ZNF462: variants seen among roughly 807,000 people sequenced by gnomAD.
ZNF462 encodes zinc finger PBX1-interacting protein.
Under a neutral mutation model 201.9 loss-of-function variants are expected in ZNF462, and 10 were observed. That is an observed-to-expected ratio of 0.05 (90% confidence interval 0.03 to 0.08). ZNF462 has a LOEUF of 0.08. ZNF462 is among the 10% of genes least tolerant of loss of function. ZNF462 has a pLI of 1.00. For missense variants in ZNF462, 2,523 were observed against 3,168.3 expected (o/e 0.80, Z 4.89); for synonymous variants, 1,227 against 1,193.3 (o/e 1.03, Z -0.58).
chr9:106,896,165 G>A (rs776058614), intron 1 of ZNF462, among the ~76,000 whole-genome samples: 1 of 152,046 alleles, frequency 6.6e-6, no homozygotes, highest in African/African-American at 2.4e-5. Flanking sequence ...TAACTTCCAT[G>A]AGAAAGAACA....
At chr9:106,898,644 G>C (rs184285414) in intron 1 of ZNF462, among the ~76,000 whole-genome samples, 6 of 152,212 alleles carry the variant, frequency 3.9e-5, no homozygotes, top group Admixed American at 2.6e-4. Flanking sequence ...TGAGATTGAG[G>C]GATGAATACA....
intron 9 of ZNF462, among the ~76,000 whole-genome samples, chr9:106,983,138 G>A (rs965930886): frequency 7.2e-5 from 11 of 152,296 alleles, no homozygotes; most frequent in Admixed American, 2.0e-4. Context: ...GATATCTGGC[G>A]TGTGCGCTGA....
intron 7 of ZNF462, among the ~76,000 whole-genome samples, chr9:106,952,241 C>T (rs967652963): frequency 1.3e-5 from 2 of 152,082 alleles, no homozygotes; most frequent in African/African-American, 4.8e-5. Context: ...CTCTCTGAGC[C>T]TTGGAGTTTC....
Position 106,923,702 on chromosome 9 carries a change from A to G in ZNF462, c.220+99A>G. On this transcript the variant is annotated intron_variant, in intron 2 of 12. Coordinates refer to ENST00000277225, the MANE Select transcript of ZNF462 (RefSeq NM_021224.6). The surrounding 1 kb of genome is among the most constrained non-coding windows in gnomAD (Gnocchi z 5.6). ...TTCTTAATATACGTGGCTTTTGCAG[A>G]GTTTCTTGTGCTTTGCTAGCCATTT... is the stretch of plus-strand genomic sequence containing the variant. 1 of 1,249,810 alleles carries G rather than the reference A, an allele frequency of 8.0e-7. No homozygotes were observed. Among genetic ancestry groups the G allele is most frequent in the Admixed American group, 2.0e-5 (1 of 50,532 alleles). The allele number at this position is 1,249,810 out of a possible 1,614,324, so 77.4% of individuals were successfully genotyped here.
Position 106,930,680 on chromosome 9 carries a change from T to A in ZNF462, c.6003T>A (p.Ala2001=). The part of the protein sequence containing the change: ...VQYGNVPAVS[A]AVKGLRSHER... Reference sequence around the variant, plus strand: ...ATGGCAATGTCCCAGCTGTGTCAGCTGCTGTGAAGGTGAGAACTGGAAGGT... The same window carrying A: ...ATGGCAATGTCCCAGCTGTGTCAGCAGCTGTGAAGGTGAGAACTGGAAGGT... Residue 2001 remains alanine, a synonymous_variant, in exon 4 of 13, where the codon GCT becomes GCA. Coordinates refer to ENST00000277225, the MANE Select transcript of ZNF462 (RefSeq NM_021224.6). This position sits in a 1 kb window ranked among gnomAD's most constrained non-coding sequence, Gnocchi z 5.8. The A allele has an allele frequency of 1.2e-6, 2 of 1,614,120 alleles. No individual in the cohort carries two copies. The highest frequency in any genetic ancestry group is 1.7e-6 in the Non-Finnish European group (2 of 1,180,010).
chr9:106,865,664 T>C lies in ZNF462; in HGVS notation c.-31+2309T>C, dbSNP rs1471943912. 6.6e-6 allele frequency among the ~76,000 whole-genome samples: 1 copy of C among 152,202 alleles called. No individual in the cohort carries two copies. Among genetic ancestry groups the C allele is most frequent in the African/African-American group, 2.4e-5 (1 of 41,448 alleles). On this transcript the variant is annotated intron_variant, in intron 1 of 12. Transcript: ENST00000277225. This position sits in a 1 kb window ranked among gnomAD's most constrained non-coding sequence, Gnocchi z 4.1. Reference sequence around the variant, plus strand: ...CTGTGTTCTGAAGTACTCTTAAGTCTTCAGAAATATCAGTATGTCTTCTTA... The same window carrying C: ...CTGTGTTCTGAAGTACTCTTAAGTCCTCAGAAATATCAGTATGTCTTCTTA...
chr9:106,971,314 C>T (rs1001452825), intron 7 of ZNF462, among the ~76,000 whole-genome samples: 8 of 151,344 alleles, frequency 5.3e-5, no homozygotes, highest in Non-Finnish European at 7.4e-5. Flanking sequence ...TATTTTCTCA[C>T]CTACAGGGAA....
chr9:106,994,805 C>T (rs374754381), intron 10 of ZNF462, among the ~76,000 whole-genome samples: 6 of 152,088 alleles, frequency 3.9e-5, no homozygotes, highest in East Asian at 3.9e-4. Flanking sequence ...CCTGTGCCTT[C>T]GAAACCATCC....
Position 106,932,238 on chromosome 9 carries a change from A to ATGTG in ZNF462, c.6013-197_6013-194dup. The ATGTG allele has an allele frequency of 3.2e-6, 5 of 1,540,242 alleles. No individual in the cohort carries two copies. Among genetic ancestry groups the ATGTG allele is most frequent in the African/African-American group, 1.4e-5 (1 of 72,804 alleles). ...TGGATATTTATTTTGTTGGTGGGGC[A>ATGTG]TGTGTGTGTGTGTGGTTCTCTTAGC... On this transcript the variant is annotated intron_variant, in intron 4 of 12. Coordinates refer to ENST00000277225, the MANE Select transcript of ZNF462 (RefSeq NM_021224.6). The surrounding 1 kb of genome is among the most constrained non-coding windows in gnomAD (Gnocchi z 6.8).
At chr9:106,976,711 A>G (rs1827027317) in intron 9 of ZNF462, 1 of 152,242 alleles carries the variant, frequency 6.6e-6, no homozygotes, top group Non-Finnish European at 1.5e-5. Context: ...ATTAACAATA[A>G]TAACAACAAT....
intron 1 of ZNF462, among the ~76,000 whole-genome samples, chr9:106,894,016 A>T (rs1828703520): frequency 6.6e-6 from 1 of 152,248 alleles, no homozygotes; most frequent in South Asian, 2.1e-4. Context: ...ACTATGTGCA[A>T]ACTGACTTTT....
In ZNF462 at chr9:106,925,673, G is replaced by T. The variant is rs148893264; in HGVS notation, c.1761G>T (p.Gln587His). 4.6e-5 allele frequency: 74 copies of T among 1,613,936 alleles called. No homozygotes were observed. The highest frequency in any genetic ancestry group is 5.9e-5 in the Non-Finnish European group (70 of 1,180,020). Reference protein sequence around the residue: ...QPQTQPPPTQQPQPPTQAAPL... With the variant: ...QPQTQPPPTQHPQPPTQAAPL... ...AAACACAGCCACCACCAACGCAGCA[G>T]CCACAGCCACCCACACAAGCCGCAC... Residue 587 changes from glutamine (Q) to histidine (H), a missense_variant, in exon 3 of 13, where the codon CAG (glutamine) becomes CAT (histidine). Gln to His is a conservative substitution (Grantham distance 24). This residue lies in a region of ZNF462 where 383 missense variants were observed against 453.4 expected (regional missense o/e 0.84). Coordinates refer to ENST00000277225, the MANE Select transcript of ZNF462 (RefSeq NM_021224.6). This position sits in a 1 kb window ranked among gnomAD's most constrained non-coding sequence, Gnocchi z 7.9.
chr9:106,949,040 G>GAAC (rs1165813523), intron 7 of ZNF462, among the ~76,000 whole-genome samples: 1 of 152,106 alleles, frequency 6.6e-6, no homozygotes, highest in Non-Finnish European at 1.5e-5. Flanking sequence ...CAGTATTGGT[G>GAAC]AACAGTTCTT....
chr9:106,869,876 T>C (rs1827511911), intron 1 of ZNF462, among the ~76,000 whole-genome samples: 1 of 152,182 alleles, frequency 6.6e-6, no homozygotes, highest in South Asian at 2.1e-4. Flanking sequence ...TTTTATGAAT[T>C]TAGATTGTAT....
intron 10 of ZNF462, among the ~76,000 whole-genome samples, chr9:106,996,480 T>C (rs1287103654): frequency 2.0e-5 from 3 of 152,138 alleles, no homozygotes; most frequent in African/African-American, 4.8e-5. Context: ...CACCTGTTGT[T>C]TCCTGACTTT....
intron 1 of ZNF462, among the ~76,000 whole-genome samples, chr9:106,881,757 A>G (rs1828106627): frequency 6.6e-6 from 1 of 152,170 alleles, no homozygotes; most frequent in Non-Finnish European, 1.5e-5. Flanking sequence ...AATATTTTTT[A>G]TTATATGGTG....
At chr9:106,999,433 G>C (rs1348809859) in intron 10 of ZNF462, among the ~76,000 whole-genome samples, 2 of 152,016 alleles carry the variant, frequency 1.3e-5, no homozygotes, top group Non-Finnish European at 2.9e-5. Flanking sequence ...AATACAATAA[G>C]GTTTATTACT....
At chr9:106,998,933 G>A (rs1012830263) in intron 10 of ZNF462, among the ~76,000 whole-genome samples, 1 of 152,074 alleles carries the variant, frequency 6.6e-6, no homozygotes, top group Admixed American at 6.6e-5. Flanking sequence ...TCATTAGACA[G>A]ATGACTTCAC....
chr9:106,868,091 AGT>A (rs1355477780), intron 1 of ZNF462, among the ~76,000 whole-genome samples: 2 of 146,492 alleles, frequency 1.4e-5, no homozygotes, highest in Admixed American at 6.8e-5. Flanking sequence ...AAAAAAAATC[AGT>A]GTGTGTAAAA....
Sources: allele counts gnomAD v4.1 joint callset (sites outside exome capture counted in the v4.1 genomes callset), GRCh38; gene constraint gnomAD v4.1.1; regional missense constraint gnomAD v4.1.1; non-coding constraint Gnocchi (gnomAD v3.1); transcripts MANE v1.5; gene names NCBI Gene and HGNC (gene_info 2026-07-23, HGNC 2026-07-21).